TOPORS: variants seen among roughly 807,000 people sequenced by gnomAD.
TOPORS encodes TOP1 binding arginine/serine rich protein, E3 ubiquitin ligase.
A neutral mutation model predicts 81.4 loss-of-function variants in TOPORS; 25 were observed. The ratio of observed to expected loss-of-function variants is 0.31; its 90% confidence interval spans 0.22 to 0.43. The LOEUF is 0.43. Among genes scored for constraint, TOPORS ranks in the 20% least tolerant of loss-of-function variants. TOPORS has a pLI of 1.00. For missense variants in TOPORS, 1,101 were observed against 1,267.0 expected (o/e 0.87, Z 1.99); for synonymous variants, 473 against 456.6 (o/e 1.04, Z -0.46).
rs200918654 is a variant in TOPORS, at chr9:32,541,470, G to C, written c.3055C>G (p.Gln1019Glu). 510 of 1,614,206 alleles carry C rather than the reference G, an allele frequency of 3.2e-4. No individual in the cohort carries two copies. The highest frequency in any genetic ancestry group is 4.0e-4 in the Non-Finnish European group (470 of 1,180,022). The change falls in exon 3 of 3, where the codon CAA (glutamine) becomes GAA (glutamate). Residue 1019 changes from glutamine (Q) to glutamate (E), a missense_variant. This residue lies in a region of TOPORS where 605 missense variants were observed against 636.1 expected (regional missense o/e 0.95). Coordinates refer to ENST00000360538, the MANE Select transcript of TOPORS (RefSeq NM_005802.5). ...ENQPSNIVSL[Q>E]TEPSRQLPSP... is the part of the protein sequence containing the mutation. Reference sequence around the variant, plus strand: ...GGCAATTGCCTTGATGGCTCAGTTTGAAGAGACACAATGTTACTGGGCTGG... The same window carrying C: ...GGCAATTGCCTTGATGGCTCAGTTTCAAGAGACACAATGTTACTGGGCTGG...
At chr9:32,551,842 A>G (rs1167317498) in intron 1 of TOPORS, 3 of 448,062 alleles carry the variant, frequency 6.7e-6, no homozygotes, top group South Asian at 3.1e-5. Context: ...TTAGAGATAT[A>G]CATTACGCTA....
intron 2 of TOPORS, among the ~76,000 whole-genome samples, chr9:32,545,576 C>G (rs1001414456): frequency 2.0e-5 from 3 of 151,734 alleles, no homozygotes; most frequent in African/African-American, 7.3e-5. Context: ...GCCTGGCCAA[C>G]GTTGTGAAAC....
rs1444244580 is a variant in TOPORS, at chr9:32,542,264, T to A, written c.2261A>T (p.Asn754Ile). The change falls in exon 3 of 3, where the codon AAT becomes ATT. Residue 754 changes from asparagine (N) to isoleucine (I), a missense_variant. Coordinates refer to ENST00000360538, the MANE Select transcript of TOPORS (RefSeq NM_005802.5). ...GTAATACTTCCTCTCACTGTGATTA[T>A]TTTTTTTCCTAGCATTTGTTCTTTC... Reference protein sequence around the residue: ...FSERTNARKKNNHSERKYYYY... With the variant: ...FSERTNARKKINHSERKYYYY... The A allele has an allele frequency of 6.2e-7, 1 of 1,613,904 alleles. No individual in the cohort carries two copies. The highest frequency in any genetic ancestry group is 8.5e-7 in the Non-Finnish European group (1 of 1,179,880).
intron 2 of TOPORS, among the ~76,000 whole-genome samples, chr9:32,550,493 ATTGCTTTT>A (rs538971544): frequency 4.2e-4 from 64 of 152,308 alleles, no homozygotes; most frequent in Admixed American, 3.7e-3. Context: ...ATTCAGTCTC[ATTGCTTTT>A]TTGCTTTTCC....
chr9:32,548,822 C>T (rs759933231), intron 2 of TOPORS, among the ~76,000 whole-genome samples: 3 of 152,060 alleles, frequency 2.0e-5, no homozygotes, highest in Non-Finnish European at 4.4e-5. Flanking sequence ...TCAAATCTGG[C>T]TTTAACAAGG....
intron 2 of TOPORS, among the ~76,000 whole-genome samples, chr9:32,548,936 G>A (rs530780048): frequency 6.6e-6 from 1 of 152,270 alleles, no homozygotes; most frequent in South Asian, 2.1e-4. Flanking sequence ...TACATTTCAG[G>A]AGACTGGATA....
chr9:32,542,731 T>A lies in TOPORS; in HGVS notation c.1794A>T (p.Arg598Ser), dbSNP rs1168821709. 1 of 1,614,048 alleles carries A rather than the reference T, an allele frequency of 6.2e-7. No individual in the cohort carries two copies. Among genetic ancestry groups the A allele is most frequent in the Non-Finnish European group, 8.5e-7 (1 of 1,180,022 alleles). Residue 598 changes from arginine to serine, a missense_variant, in exon 3 of 3, where the codon AGA becomes AGT. By Grantham distance (110) the Arg-to-Ser change is moderately radical. Coordinates refer to ENST00000360538, the MANE Select transcript of TOPORS (RefSeq NM_005802.5). ...TACTCTGAGAACGTGAATCTGAACTTCTTGATCTTCCCCTCTTTCTGTGTC... is the reference window on the plus strand; with the variant it reads ...TACTCTGAGAACGTGAATCTGAACTACTTGATCTTCCCCTCTTTCTGTGTC... ...NHRHRKRGRS[R>S]SSDSRSQSRS... is the part of the protein sequence containing the mutation.
intron 2 of TOPORS, among the ~76,000 whole-genome samples, chr9:32,548,475 G>A (rs553598096): frequency 1.3e-5 from 2 of 152,008 alleles, no homozygotes; most frequent in South Asian, 2.1e-4. Flanking sequence ...GCAGTGAGCC[G>A]AGATTACGCC....
Position 32,543,571 on chromosome 9 carries a change from G to C in TOPORS, c.954C>G (p.Val318=), listed in dbSNP as rs774228482. Residue 318 remains valine, a synonymous_variant, in exon 3 of 3, where the codon GTC becomes GTG. Coordinates refer to ENST00000360538, the MANE Select transcript of TOPORS (RefSeq NM_005802.5). This position sits in a 1 kb window ranked among gnomAD's most constrained non-coding sequence, Gnocchi z 5.6. ...TAACATTACTCATGATAATATGCTG[G>C]ACAATATTCACTAAAGATCCATGAG... ...FGAHGSLVNI[V]QHIIMSNVTR... is the part of the protein sequence containing the mutation. 1 of 1,613,470 alleles carries C rather than the reference G, an allele frequency of 6.2e-7. No individual in the cohort carries two copies. Among genetic ancestry groups the C allele is most frequent in the African/African-American group, 1.3e-5 (1 of 74,994 alleles).
At chr9:32,549,661 C>T (rs946079798) in intron 2 of TOPORS, among the ~76,000 whole-genome samples, 2 of 152,102 alleles carry the variant, frequency 1.3e-5, no homozygotes, top group East Asian at 3.8e-4. Context: ...TGGGTCCAGA[C>T]AGAGGATAGT....
At chr9:32,552,176 A>C (rs1260840532) in intron 1 of TOPORS, 15 of 48,526 alleles carry the variant, frequency 3.1e-4, no homozygotes, top group Non-Finnish European at 1.3e-4. Context: ...TTAGTTGGCA[A>C]AAAAAAAAAA....
At position 32,542,997 on chromosome 9, in the gene TOPORS, T is replaced by C. The variant is rs1821093139; in HGVS notation, c.1528A>G (p.Met510Val). 5 of 1,614,186 alleles carry C rather than the reference T, an allele frequency of 3.1e-6. No homozygotes were observed. The highest frequency in any genetic ancestry group is 4.2e-6 in the Non-Finnish European group (5 of 1,180,018). Residue 510 changes from methionine (M) to valine (V), a missense_variant, in exon 3 of 3, where the codon ATG becomes GTG. Coordinates refer to ENST00000360538, the MANE Select transcript of TOPORS (RefSeq NM_005802.5). ...DSEDLGSYEK[M>V]ETVKTQEQEQ... is the part of the protein sequence containing the mutation. ...TGTTCTTGTGTCTTCACTGTCTCCA[T>C]TTTCTCATAAGAACCTAAGTCCTCA...
chr9:32,544,339 A>C lies in TOPORS; in HGVS notation c.199-13T>G. 2 of 1,599,030 alleles carry C rather than the reference A, an allele frequency of 1.3e-6. No homozygotes were observed. Among genetic ancestry groups the C allele is most frequent in the South Asian group, 2.2e-5 (2 of 91,066 alleles). Reference sequence around the variant, plus strand: ...CTGATGCCATTATCTGTAAAAGGGAAAGAAATATATCAGTAACCTGATAAT... The same window carrying C: ...CTGATGCCATTATCTGTAAAAGGGACAGAAATATATCAGTAACCTGATAAT... On this transcript the variant is annotated splice_polypyrimidine_tract_variant and intron_variant, in intron 2 of 2. Coordinates refer to ENST00000360538, the MANE Select transcript of TOPORS (RefSeq NM_005802.5).
chr9:32,552,263 GC>G, intron 1 of TOPORS, 170 bp downstream of exon 1: 3 of 853,084 alleles, frequency 3.5e-6, no homozygotes, highest in Non-Finnish European at 1.9e-6. Context: ...ACGTGATACC[GC>G]CCCCCAACTC....
At chr9:32,548,000 T>A (rs1267558360) in intron 2 of TOPORS, among the ~76,000 whole-genome samples, 87 of 58,404 alleles carry the variant, frequency 1.5e-3, no homozygotes, top group African/African-American at 0.01. Flanking sequence ...ACGCTCGGCA[T>A]TTTTTTTTTT....
Position 32,550,671 on chromosome 9 carries a change from C to T in TOPORS, c.198+103G>A, listed in dbSNP as rs1821222753. The T allele has an allele frequency of 2.9e-6, 4 of 1,384,848 alleles. No homozygotes were observed. The Admixed American group carries it at 7.2e-5, about 25-fold the overall frequency. 85.8% of individuals were successfully genotyped at this position (1,384,848 alleles called of 1,614,324 possible). On this transcript the variant is annotated intron_variant, in intron 2 of 2. Transcript: ENST00000360538. Reference sequence around the variant, plus strand: ...GCCGAGGCCCGGACAGCCCCGCAGGCCATGACCGCAACCCTCGGGTCCCGA... The same window carrying T: ...GCCGAGGCCCGGACAGCCCCGCAGGTCATGACCGCAACCCTCGGGTCCCGA...
At position 32,552,508 on chromosome 9, in the gene TOPORS, C is replaced by T; in HGVS notation, c.-72G>A. On this transcript the variant is annotated 5_prime_UTR_variant, in exon 1 of 3. Transcript: ENST00000360538. ...AGTCCCGGGGATCGCGGGCCCCCAC[C>T]GTGTCGACTCACTGGGCCCGCAGGC... The T allele has an allele frequency of 9.6e-6, 15 of 1,567,692 alleles. No homozygotes were observed. Among genetic ancestry groups the T allele is most frequent in the East Asian group, 4.7e-5 (2 of 42,954 alleles).
chr9:32,548,546 C>A (rs992823460), intron 2 of TOPORS, among the ~76,000 whole-genome samples: 9 of 152,026 alleles, frequency 5.9e-5, no homozygotes, highest in African/African-American at 2.2e-4. Flanking sequence ...CACACACACA[C>A]ACACAAAAGA....
chr9:32,550,843 T>C lies in TOPORS; in HGVS notation c.129A>G (p.Arg43=). Residue 43 remains arginine (R), a synonymous_variant, in exon 2 of 3, where the codon CGA becomes CGG. Coordinates refer to ENST00000360538, the MANE Select transcript of TOPORS (RefSeq NM_005802.5). ...GCTCCCGGCAGCCCAGAAAGCTAGGTCGGTGTCGGCAGGATCCGCGAAGGC... is the reference window on the plus strand; with the variant it reads ...GCTCCCGGCAGCCCAGAAAGCTAGGCCGGTGTCGGCAGGATCCGCGAAGGC... ...RVRLRGSCRH[R]PSFLGCRELA... The C allele has an allele frequency of 6.2e-7, 1 of 1,612,806 alleles. No homozygotes were observed.
Sources: allele counts gnomAD v4.1 joint callset (sites outside exome capture counted in the v4.1 genomes callset), GRCh38; gene constraint gnomAD v4.1.1; regional missense constraint gnomAD v4.1.1; non-coding constraint Gnocchi (gnomAD v3.1); transcripts MANE v1.5; gene names NCBI Gene and HGNC (gene_info 2026-07-23, HGNC 2026-07-21).